The following CSRP1 variants were observed in gnomAD, a reference collection of about 807,000 sequenced individuals.
The protein encoded by CSRP1 is cysteine and glycine-rich protein 1.
In CSRP1, 16 loss-of-function variants were observed where a neutral mutation model predicts 25.4. The ratio of observed to expected loss-of-function variants is 0.63; its 90% CI spans 0.43 to 0.96. The LOEUF is 0.96. CSRP1 is among the 40% of genes least tolerant of loss of function. The pLI, the probability that CSRP1 is intolerant of heterozygous loss-of-function variation, is 0.00. For synonymous variants in CSRP1, 97 were observed against 95.3 expected (o/e 1.02, Z -0.10); for missense variants, 212 against 243.6 (o/e 0.87, Z 0.86).
At chr1:201,487,924 T>C (rs2102404106) in intron 4 of CSRP1, 1 of 152,340 alleles carries the variant, frequency 6.6e-6, no homozygotes, top group East Asian at 1.9e-4. Flanking sequence ...CATTTCTTGA[T>C]CAATTCCCCT....
At chr1:201,486,249 G>C (rs1270624765) in intron 4 of CSRP1, 21 of 724,114 alleles carry the variant, frequency 2.9e-5, no homozygotes, top group Non-Finnish European at 3.6e-5. Flanking sequence ...GCCCGAGTTT[G>C]TACACAGTGA....
intron 1 of CSRP1, among the ~76,000 whole-genome samples, chr1:201,504,343 G>A (rs1376009507): frequency 6.6e-6 from 1 of 152,174 alleles, no homozygotes; most frequent in Non-Finnish European, 1.5e-5. Context: ...CACACTGTCT[G>A]GTACACTGCA....
intron 1 of CSRP1, among the ~76,000 whole-genome samples, chr1:201,500,868 C>A (rs780558544): frequency 3.3e-5 from 5 of 152,242 alleles, no homozygotes; most frequent in Non-Finnish European, 5.9e-5. Context: ...TAGAGGGACA[C>A]TTGGCTCCTT....
rs748159474 is a variant in CSRP1 at position 201,485,347 on chromosome 1, G to C, written c.441C>G (p.Ala147=). The part of the protein sequence containing the change: ...KSWHKACFRC[A]KCGKGLESTT... ...TTGACTCAAGGCCTTTGCCACACTT[G>C]GCACATCGAAAGCAGGCCTTATGCC... The change falls in exon 5 of 6, where the codon GCC becomes GCG. Residue 147 remains alanine (A), a synonymous_variant. Coordinates refer to ENST00000340006, the MANE Select transcript of CSRP1 (RefSeq NM_004078.3). 1 of 1,614,138 alleles carries C rather than the reference G, an allele frequency of 6.2e-7. No homozygotes were observed. The highest frequency in any genetic ancestry group is 8.5e-7 in the Non-Finnish European group (1 of 1,180,012).
At chr1:201,498,308 C>T (rs1664569793) in intron 1 of CSRP1, among the ~76,000 whole-genome samples, 1 of 152,194 alleles carries the variant, frequency 6.6e-6, no homozygotes, top group Non-Finnish European at 1.5e-5. Context: ...GAGGGAAGGG[C>T]TATACAAAGC....
chr1:201,484,134 C>T lies in CSRP1; in HGVS notation c.*579G>A, dbSNP rs369473670. ...CCACAAAGACTCAAAGGCAAGAGGC[C>T]TGGAGAAGCAGGGGCTCCTAGGACC... On this transcript the variant is annotated 3_prime_UTR_variant, in exon 6 of 6. Coordinates refer to ENST00000340006, the MANE Select transcript of CSRP1 (RefSeq NM_004078.3). 1.2e-5 allele frequency: 8 copies of T among 653,434 alleles called. No individual in the cohort carries two copies. The highest frequency in any genetic ancestry group is 2.3e-5 in the Non-Finnish European group (8 of 350,306). 40.5% of individuals were successfully genotyped at this position (653,434 alleles called of 1,614,324 possible).
intron 2 of CSRP1, chr1:201,491,617 C>T (rs946551978): frequency 6.6e-6 from 1 of 152,198 alleles, no homozygotes; most frequent in Admixed American, 6.5e-5. Context: ...GAGGGACAGG[C>T]CCCAGCTTCA....
At position 201,484,458 on chromosome 1, in the gene CSRP1, T is replaced by G; in HGVS notation, c.*255A>C. 5.4e-6 allele frequency: 3 copies of G among 556,808 alleles called. No homozygotes were observed. Among genetic ancestry groups the G allele is most frequent in the Non-Finnish European group, 9.6e-6 (3 of 312,068 alleles). 34.5% of individuals were successfully genotyped at this position (556,808 alleles called of 1,614,324 possible). A position where few individuals can be genotyped will look rare whatever the true frequency, so the allele number is the denominator to read the frequency against. On this transcript the variant is annotated 3_prime_UTR_variant, in exon 6 of 6. Coordinates refer to ENST00000340006, the MANE Select transcript of CSRP1 (RefSeq NM_004078.3). ...GGGGCGAGGTGTGGGGAGAGGGGCCTGCTCTCACCTAGACCCAAAACACTG... is the reference window on the plus strand; with the variant it reads ...GGGGCGAGGTGTGGGGAGAGGGGCCGGCTCTCACCTAGACCCAAAACACTG...
intron 2 of CSRP1, chr1:201,495,571 C>T (rs1329773372): frequency 1.3e-5 from 2 of 152,356 alleles, no homozygotes; most frequent in Admixed American, 6.5e-5. Context: ...GTCGACCTGA[C>T]CTCTGTCAGT....
chr1:201,501,893 T>C (rs985558354), intron 1 of CSRP1, among the ~76,000 whole-genome samples: 1 of 152,008 alleles, frequency 6.6e-6, no homozygotes, highest in Non-Finnish European at 1.5e-5. Context: ...CTCCGGAGGC[T>C]GAGGCATGAG....
In CSRP1 at chr1:201,495,141, A is replaced by G. The variant is rs373808424; in HGVS notation, c.112+1051T>C. 2.6e-5 allele frequency among the ~76,000 whole-genome samples: 4 copies of G among 152,300 alleles called. No homozygotes were observed. The East Asian group carries it at 7.7e-4, about 29-fold the overall frequency. On this transcript the variant is annotated intron_variant, in intron 2 of 5. Transcript: ENST00000340006. ...GCGGGCACAGTGGCTCACACCTGTAATCCCAACACTTTGGGAGGCTGAGGT... is the reference window on the plus strand; with the variant it reads ...GCGGGCACAGTGGCTCACACCTGTAGTCCCAACACTTTGGGAGGCTGAGGT...
intron 2 of CSRP1, among the ~76,000 whole-genome samples, chr1:201,494,451 C>G (rs1664437241): frequency 6.6e-6 from 1 of 152,226 alleles, no homozygotes. Context: ...TAACAAGACG[C>G]TGCTGTTTCT....
At chr1:201,494,606 G>A (rs1664445634) in intron 2 of CSRP1, among the ~76,000 whole-genome samples, 1 of 152,206 alleles carries the variant, frequency 6.6e-6, no homozygotes, top group South Asian at 2.1e-4. Context: ...GTGGCCTCAG[G>A]TGGGTCTACC....
chr1:201,488,719 G>A, intron 4 of CSRP1, 136 bp downstream of exon 4: 1 of 1,002,530 alleles, frequency 1.0e-6, no homozygotes, highest in South Asian at 1.6e-5. Flanking sequence ...GCAACCCACA[G>A]GGACAAAGAG....
intron 4 of CSRP1, 129 bp from the exon 5 acceptor site, chr1:201,485,505 C>T (rs979019154): frequency 2.5e-5 from 20 of 788,620 alleles, no homozygotes; most frequent in Non-Finnish European, 3.8e-5. Context: ...TCAGCTGGTG[C>T]TGCTGGGAGG....
chr1:201,488,800 C>T (rs1214237274), intron 4 of CSRP1, 55 bp downstream of exon 4: 1 of 1,597,382 alleles, frequency 6.3e-7, no homozygotes, highest in Non-Finnish European at 8.6e-7. Context: ...TTCTGGAATC[C>T]ACATTTCAGG....
At chr1:201,495,907 G>C (rs1470204716) in intron 2 of CSRP1, 1 of 361,008 alleles carries the variant, frequency 2.8e-6, no homozygotes, top group Admixed American at 4.5e-5. Context: ...AGAGAAGAGA[G>C]AGCTGAGTGG....
chr1:201,486,908 CATA>C (rs1664164182), intron 4 of CSRP1: 7 of 1,259,944 alleles, frequency 5.6e-6, no homozygotes, highest in African/African-American at 1.6e-5. Context: ...TTTCTATTCT[CATA>C]ATGAGATAGA....
At chr1:201,487,565 T>C (rs1664187655) in intron 4 of CSRP1, 1 of 152,268 alleles carries the variant, frequency 6.6e-6, no homozygotes, top group Non-Finnish European at 1.5e-5. Flanking sequence ...GCTCAGCCAA[T>C]AAATGGCAAA....
Sources: gnomAD v4.1 joint callset for allele counts (sites outside exome capture counted in the v4.1 genomes callset) on GRCh38, gnomAD v4.1.1 for gene constraint, MANE v1.5 for transcripts, NCBI Gene and HGNC (gene_info 2026-07-23, HGNC 2026-07-21) for gene names.